The following WASF3 variants were observed in gnomAD, a reference collection of about 807,000 sequenced individuals.
The protein encoded by WASF3 is actin-binding protein WASF3.
Under a neutral mutation model 46.6 loss-of-function variants are expected in WASF3, and 11 were observed. The ratio of observed to expected loss-of-function variants is 0.24; its 90% confidence interval spans 0.15 to 0.39. The LOEUF is 0.39. Among genes scored for constraint, WASF3 ranks in the 10% least tolerant of loss-of-function variants. The pLI is 1.00. For missense variants in WASF3, 576 were observed against 669.8 expected, an observed-to-expected ratio of 0.86 and a Z score of 1.55; for synonymous variants, 242 against 259.7, an observed-to-expected ratio of 0.93 and a Z score of 0.65.
intron 2 of WASF3, among the ~76,000 whole-genome samples, chr13:26,621,403 C>T (rs1366050321): frequency 6.6e-6 from 1 of 152,098 alleles, no homozygotes; most frequent in African/African-American, 2.4e-5. Flanking sequence ...GAAAGTATGC[C>T]AGAGCTGGAG....
At chr13:26,540,701 T>C in the WASF3 span, among the ~76,000 whole-genome samples, 1 of 152,206 alleles carries the variant, frequency 6.6e-6, no homozygotes, top group African/African-American at 2.4e-5. Flanking sequence ...CTGCTCCTGC[T>C]TCATCTGTGT....
Position 26,679,982 on chromosome 13 carries a change from G to A in WASF3, c.717-1072G>A, listed in dbSNP as rs974190677. ...AATCCCAAAGATGGAAATGCAGCGT[G>A]CATCTTCCCTGCTCCCTCAGCACCC... is the stretch of plus-strand genomic sequence containing the variant. On this transcript the variant is annotated intron_variant, in intron 7 of 9. Transcript: ENST00000335327. This position sits in a 1 kb window ranked among gnomAD's most constrained non-coding sequence, Gnocchi z 4.8. The A allele has an allele frequency of 3.2e-6, 5 of 1,562,558 alleles. No homozygotes were observed. The highest frequency in any genetic ancestry group is 1.7e-4 in the Middle Eastern group (1 of 6,042).
the WASF3 span, among the ~76,000 whole-genome samples, chr13:26,545,557 T>G: frequency 1.3e-5 from 2 of 152,218 alleles, no homozygotes. Context: ...AAAAAAAATC[T>G]ATTTTAGTCT....
chr13:26,573,103 G>A (rs1879688690), intron 1 of WASF3, among the ~76,000 whole-genome samples: 1 of 152,084 alleles, frequency 6.6e-6, no homozygotes, highest in East Asian at 1.9e-4. Context: ...GATATCATCT[G>A]GGTTTTTTGG....
chr13:26,560,953 G>A (rs150470396), intron 1 of WASF3, among the ~76,000 whole-genome samples: 516 of 152,266 alleles, frequency 3.4e-3, no homozygotes, highest in Non-Finnish European at 6.2e-3. Flanking sequence ...GCCTCCCAGA[G>A]GAAGCACCAT....
At chr13:26,636,210 C>T (rs111490228) in intron 2 of WASF3, among the ~76,000 whole-genome samples, 3,128 of 152,338 alleles carry the variant, frequency 0.021, 111 homozygotes, top group African/African-American at 0.071. Context: ...ACTCAAGCCT[C>T]AGCAATGGCG....
chr13:26,646,249 A>G (rs919847641), intron 3 of WASF3, among the ~76,000 whole-genome samples: 3 of 152,214 alleles, frequency 2.0e-5, no homozygotes, highest in African/African-American at 7.2e-5. Flanking sequence ...ATGCAAATAT[A>G]TATGAGCTAA....
chr13:26,568,630 A>T (rs1327459726), intron 1 of WASF3, among the ~76,000 whole-genome samples: 1 of 152,196 alleles, frequency 6.6e-6, no homozygotes, highest in Non-Finnish European at 1.5e-5. Flanking sequence ...TTTAGGTCAC[A>T]TGCCAGTGCC....
At chr13:26,616,519 A>C in intron 2 of WASF3, among the ~76,000 whole-genome samples, 1 of 152,064 alleles carries the variant, frequency 6.6e-6, no homozygotes, top group East Asian at 1.9e-4. Context: ...CAGATATATG[A>C]TTTGTAGTTT....
rs116636195 is a variant in WASF3 at position 26,609,864 on chromosome 13, A to G, written c.-108-3097A>G. On this transcript the variant is annotated intron_variant, in intron 1 of 9. Coordinates refer to ENST00000335327, the MANE Select transcript of WASF3 (RefSeq NM_006646.6). ...GTATTTCTTTTCCCAGATGTTGGTA[A>G]TAACACCTTCAGTACAACTATCTCA... 5.6e-3 allele frequency among the ~76,000 whole-genome samples: 860 copies of G among 152,292 alleles called. 10 individuals are homozygous for G. Among genetic ancestry groups the G allele is most frequent in the African/African-American group, 0.02 (819 of 41,554 alleles).
rs184709467 is a variant in WASF3 at position 26,572,192 on chromosome 13, A to G, written c.-109+14373A>G. ...TGCCTTTAATTGTTTTCTGTTGTCT[A>G]ATTGCCTTGGTGAATACCTTCAGAA... On this transcript the variant is annotated intron_variant, in intron 1 of 9. Transcript: ENST00000335327. 1.8e-3 allele frequency among the ~76,000 whole-genome samples: 269 copies of G among 152,262 alleles called. 2 individuals carry two copies. Among genetic ancestry groups the G allele is most frequent in the African/African-American group, 6.2e-3 (258 of 41,550 alleles).
rs1171200593 is a variant in WASF3 at position 26,688,830 on chromosome 13, G to T, written c.*2985G>T. The T allele has an allele frequency of 6.6e-6, 1 of 151,624 alleles. No individual in the cohort carries two copies. The highest frequency in any genetic ancestry group is 1.5e-5 in the Non-Finnish European group (1 of 67,938). 9.4% of individuals were successfully genotyped at this position (151,624 alleles called of 1,614,324 possible). On this transcript the variant is annotated 3_prime_UTR_variant, in exon 10 of 10. Transcript: ENST00000335327. ...GCTGTTGTAAATTGAATTTAAAGTG[G>T]TATTAAAAAAAACTGTTAAACAATT...
chr13:26,659,733 GC>G lies in WASF3; in HGVS notation c.134-5294del, dbSNP rs577364023. On this transcript the variant is annotated intron_variant, in intron 3 of 9. Transcript: ENST00000335327. ...TGAAAATGGATGTGTATGACAGTTT[GC>G]TGGAGAGCCAGTGTGGAGTGTGAGT... Among the ~76,000 whole-genome samples, 359 of 152,280 alleles carry G rather than the reference GC, an allele frequency of 2.4e-3. 2 individuals carry two copies. Among genetic ancestry groups the G allele is most frequent in the Non-Finnish European group, 4.2e-3 (287 of 68,028 alleles).
At chr13:26,602,215 C>T (rs1880662389) in intron 1 of WASF3, among the ~76,000 whole-genome samples, 1 of 152,128 alleles carries the variant, frequency 6.6e-6, no homozygotes, top group Non-Finnish European at 1.5e-5. Flanking sequence ...TCCCCTTTAC[C>T]ATGCAGCCTC....
intron 2 of WASF3, chr13:26,640,232 G>A (rs1881955146): frequency 6.6e-6 from 1 of 151,980 alleles, no homozygotes; most frequent in African/African-American, 2.4e-5. Context: ...CATGAGATTT[G>A]GAGAGAACAA....
chr13:26,687,834 A>C lies in WASF3; in HGVS notation c.*1989A>C, dbSNP rs1883460158. 6.6e-6 allele frequency: 1 copy of C among 150,686 alleles called. No individual in the cohort carries two copies. Among genetic ancestry groups the C allele is most frequent in the African/African-American group, 2.4e-5 (1 of 40,860 alleles). The allele number at this position is 150,686 out of a possible 1,614,324, so 9.3% of individuals were successfully genotyped here. A position where few individuals can be genotyped will look rare whatever the true frequency, so the allele number is the denominator to read the frequency against. On this transcript the variant is annotated 3_prime_UTR_variant, in exon 10 of 10. Transcript: ENST00000335327. ...TCTTTCTTGTTGCTTTTGTATTAGGAGTTCCCCGTGTGGGTCTAGAACTCC... is the reference window on the plus strand; with the variant it reads ...TCTTTCTTGTTGCTTTTGTATTAGGCGTTCCCCGTGTGGGTCTAGAACTCC...
intron 1 of WASF3, among the ~76,000 whole-genome samples, chr13:26,597,964 C>T (rs1001298742): frequency 4.6e-5 from 7 of 152,150 alleles, no homozygotes; most frequent in South Asian, 2.1e-4. Context: ...GATTTATAAT[C>T]CTTTGGGTAT....
chr13:26,581,441 A>T (rs1055521140), intron 1 of WASF3, among the ~76,000 whole-genome samples: 2 of 145,636 alleles, frequency 1.4e-5, no homozygotes. Context: ...AGGCCAGCCA[A>T]TTTTTTTTTT....
rs560662798 is a variant in WASF3, at chr13:26,573,971, AT to A, written c.-109+16157del. Among the ~76,000 whole-genome samples the A allele has an allele frequency of 5.3e-3, 799 of 152,110 alleles. 4 individuals carry two copies. Among genetic ancestry groups the A allele is most frequent in the African/African-American group, 0.018 (762 of 41,504 alleles). ...ACAAGTTTTGTTAAATTCATCTGTT[AT>A]TTTTGCTGTATAATTTTCCATTGTA... On this transcript the variant is annotated intron_variant, in intron 1 of 9. Coordinates refer to ENST00000335327, the MANE Select transcript of WASF3 (RefSeq NM_006646.6).
Sources: gnomAD v4.1 joint callset for allele counts (sites outside exome capture counted in the v4.1 genomes callset) on GRCh38, gnomAD v4.1.1 for gene constraint, Gnocchi (gnomAD v3.1) non-coding constraint, MANE v1.5 for transcripts, NCBI Gene and HGNC (gene_info 2026-07-23, HGNC 2026-07-21) for gene names.